FLNB: variants seen among roughly 807,000 people sequenced by gnomAD.
FLNB encodes filamin-B.
In FLNB, 111 loss-of-function variants were observed where a neutral mutation model predicts 250.6. The observed-to-expected ratio is 0.44, with a 90% CI of 0.38 to 0.52. The LOEUF (loss-of-function observed/expected upper bound fraction) is 0.52, where lower values mean the gene tolerates loss of function less well. Among genes scored for constraint, FLNB ranks in the 20% least tolerant of loss-of-function variants. The pLI, the probability that FLNB is intolerant of heterozygous loss-of-function variation, is 0.00. For synonymous variants in FLNB, 1,302 were observed against 1,372.1 expected, an observed-to-expected ratio of 0.95 and a Z score of 1.13; for missense variants, 2,869 against 3,447.8, an observed-to-expected ratio of 0.83 and a Z score of 4.20.
rs1209808181 is a variant in FLNB at position 58,118,972 on chromosome 3, T to C, written c.2846T>C (p.Leu949Pro). The C allele has an allele frequency of 1.2e-6, 2 of 1,613,410 alleles. No individual in the cohort carries two copies. The highest frequency in any genetic ancestry group is 1.1e-5 in the South Asian group (1 of 91,046). ...AAPLDLSKIK[L>P]NGLENRVEVG... ...CCGCTGGATCTGAGCAAGATAAAAC[T>C]CAATGGGCTGGAAAACAGTAAGTGC... The change falls in exon 19 of 46, where the codon CTC (leucine) becomes CCC (proline). Residue 949 changes from leucine to proline, a missense_variant. Physicochemically the swap from Leu to Pro is moderately conservative, Grantham distance 98. This residue lies in a region of FLNB where 1,348 missense variants were observed against 1,466.7 expected (regional missense o/e 0.92). Transcript: ENST00000295956.
At chr3:58,157,952 C>A (rs562389721) in intron 41 of FLNB, among the ~76,000 whole-genome samples, 1 of 152,314 alleles carries the variant, frequency 6.6e-6, no homozygotes, top group South Asian at 2.1e-4. Flanking sequence ...CCTGTTCTTC[C>A]CGGGTCATTT....
chr3:58,086,983 T>G (rs1267676507), intron 4 of FLNB, among the ~76,000 whole-genome samples: 2 of 152,076 alleles, frequency 1.3e-5, no homozygotes, highest in African/African-American at 2.4e-5. Context: ...TGGCGGCATG[T>G]GCCTGTAGTC....
chr3:58,155,967 C>G lies in FLNB; in HGVS notation c.6780C>G (p.Tyr2260Ter), dbSNP rs541513836. The change falls in exon 41 of 46, where the codon TAC becomes TAG. Residue 2260 changes from tyrosine to a stop codon, truncating the protein, a stop_gained. Coordinates refer to ENST00000295956, the MANE Select transcript of FLNB (RefSeq NM_001457.4). LOFTEE classifies it high-confidence loss of function. ...ACTTTCCTGTCCTCATAGGTAACTA[C>G]GAGGTGTCCATCAAGTTCAATGATG... ...VSYIAQEPGNYEVSIKFNDEH... is the reference protein window; with the variant it reads ...VSYIAQEPGN 6.2e-7 allele frequency: 1 copy of G among 1,605,620 alleles called. No homozygotes were observed. The highest frequency in any genetic ancestry group is 8.5e-7 in the Non-Finnish European group (1 of 1,172,256).
chr3:58,144,090 TTTC>T, intron 32 of FLNB, among the ~76,000 whole-genome samples: 1 of 152,206 alleles, frequency 6.6e-6, no homozygotes, highest in Non-Finnish European at 1.5e-5. Context: ...CAGTTCATTC[TTTC>T]TTTTTGTAGT....
chr3:58,133,391 G>A (rs890058874), intron 26 of FLNB, among the ~76,000 whole-genome samples: 1 of 120,672 alleles, frequency 8.3e-6, no homozygotes, highest in East Asian at 3.0e-4. Flanking sequence ...GAGCCCAAGA[G>A]TTTGAGGCCA....
rs149892675 is a variant in FLNB at position 58,059,854 on chromosome 3, T to C, written c.293-17192T>C. ...TTTTAAAGCTTTTGTAACACCATCA[T>C]GTCCTTGTTTGGGCATCTTCCTGTG... is the stretch of plus-strand genomic sequence containing the variant. On this transcript the variant is annotated intron_variant, in intron 1 of 45. Transcript: ENST00000295956. Among the ~76,000 whole-genome samples the C allele has an allele frequency of 5.8e-3, 886 of 152,326 alleles. 8 individuals are homozygous for C. Among genetic ancestry groups the C allele is most frequent in the African/African-American group, 0.02 (840 of 41,582 alleles).
At chr3:58,123,716 A>G (rs760595012) in intron 21 of FLNB, 26 bp downstream of exon 21, 11 of 1,573,074 alleles carry the variant, frequency 7.0e-6, no homozygotes, top group East Asian at 4.5e-5. Flanking sequence ...AAAAAAAAAA[A>G]AAAAAAAAAA....
At chr3:58,106,049 T>C (rs1402119590) in intron 11 of FLNB, among the ~76,000 whole-genome samples, 3 of 152,316 alleles carry the variant, frequency 2.0e-5, no homozygotes, top group South Asian at 4.1e-4. Flanking sequence ...GACAAGTCTT[T>C]ATATCTTTAT....
chr3:58,045,482 A>G (rs2097152449), intron 1 of FLNB, among the ~76,000 whole-genome samples: 1 of 152,196 alleles, frequency 6.6e-6, no homozygotes, highest in Non-Finnish European at 1.5e-5. Context: ...TTGTTTTTTA[A>G]AGCTCATCAG....
intron 1 of FLNB, among the ~76,000 whole-genome samples, chr3:58,068,051 C>T (rs1452267568): frequency 6.6e-6 from 1 of 152,222 alleles, no homozygotes; most frequent in Non-Finnish European, 1.5e-5. Flanking sequence ...GTCTGGGCTC[C>T]TGGCTGGCAA....
intron 1 of FLNB, among the ~76,000 whole-genome samples, chr3:58,036,000 C>A (rs945305226): frequency 1.3e-5 from 2 of 152,142 alleles, no homozygotes; most frequent in Non-Finnish European, 2.9e-5. Flanking sequence ...TGTTTTGGAC[C>A]CATACATTTA....
intron 10 of FLNB, 81 bp downstream of exon 10, chr3:58,104,166 G>C (rs1450298410): frequency 2.7e-6 from 4 of 1,465,114 alleles, no homozygotes; most frequent in Non-Finnish European, 3.8e-6. Context: ...TTCCCGGGCT[G>C]CAGGAGGGAA....
chr3:58,110,306 A>C, intron 16 of FLNB, 136 bp downstream of exon 16: 1 of 916,902 alleles, frequency 1.1e-6, no homozygotes, highest in East Asian at 2.6e-5. Context: ...TCTTTCACCC[A>C]AGCTAGAGTG....
rs116612347 is a variant in FLNB at position 58,139,271 on chromosome 3, G to A, written c.5109+742G>A. ...CATTGAACCCTCAAAACCAAGCATC[G>A]TTGGCTTTTTTACAAATGAAGCATG... On this transcript the variant is annotated intron_variant, in intron 29 of 45. Transcript: ENST00000295956. 3.6e-3 allele frequency among the ~76,000 whole-genome samples: 542 copies of A among 152,248 alleles called. 3 individuals are homozygous for A. The highest frequency in any genetic ancestry group is 0.012 in the African/African-American group (504 of 41,542).
chr3:58,027,378 C>T lies in FLNB; in HGVS notation c.292+18522C>T, dbSNP rs572241118. On this transcript the variant is annotated intron_variant, in intron 1 of 45. Coordinates refer to ENST00000295956, the MANE Select transcript of FLNB (RefSeq NM_001457.4). ...TCACCCAGGTTGGAGTGCGGTGGCC[C>T]GGTCCGCCTGCCTCAGCCTCCCAAA... Among the ~76,000 whole-genome samples the T allele has an allele frequency of 6.9e-3, 1,050 of 151,976 alleles. 10 individuals carry two copies. The highest frequency in any genetic ancestry group is 0.024 in the African/African-American group (1,000 of 41,426).
chr3:58,041,284 G>A (rs1234034200), intron 1 of FLNB, among the ~76,000 whole-genome samples: 2 of 152,344 alleles, frequency 1.3e-5, no homozygotes, highest in East Asian at 3.9e-4. Context: ...CAGAAGAAAA[G>A]CCAGATTATT....
At chr3:58,154,661 G>C in intron 39 of FLNB, 130 bp from the exon 40 acceptor site, 3 of 961,718 alleles carry the variant, frequency 3.1e-6, no homozygotes, top group South Asian at 2.7e-5. Flanking sequence ...CTTGGGTTCT[G>C]CTTGGGGTTG....
Position 58,108,465 on chromosome 3 carries a change from C to T in FLNB, c.1949C>T (p.Ala650Val). ...TATCTGCCTTTGCTTCAGGTTCGAG[C>T]ATACGGGCCAGGTTTGGAGAAATCT... ...TGGYNPDLVRAYGPGLEKSGC... is the reference protein window; with the variant it reads ...TGGYNPDLVRVYGPGLEKSGC... Residue 650 changes from alanine to valine, a missense_variant, in exon 13 of 46, where the codon GCA becomes GTA. Physicochemically the swap from Ala to Val is moderately conservative, Grantham distance 64. Coordinates refer to ENST00000295956, the MANE Select transcript of FLNB (RefSeq NM_001457.4). The T allele has an allele frequency of 6.2e-7, 1 of 1,611,162 alleles. No individual in the cohort carries two copies. The highest frequency in any genetic ancestry group is 8.5e-7 in the Non-Finnish European group (1 of 1,177,314).
intron 42 of FLNB, among the ~76,000 whole-genome samples, chr3:58,162,205 G>C (rs749311206): frequency 1.3e-5 from 2 of 152,120 alleles, no homozygotes; most frequent in Admixed American, 6.5e-5. Flanking sequence ...AAGAGCTTTG[G>C]GGAACACAAA....
Sources: allele counts gnomAD v4.1 joint callset (sites outside exome capture counted in the v4.1 genomes callset), GRCh38; gene constraint gnomAD v4.1.1; regional missense constraint gnomAD v4.1.1; transcripts MANE v1.5; gene names NCBI Gene and HGNC (gene_info 2026-07-23, HGNC 2026-07-21).